Variants in ALS2CL observed in about 807,000 individuals in gnomAD.
ALS2CL encodes the protein ALS2 C-terminal-like protein.
A neutral mutation model predicts 127.9 loss-of-function variants in ALS2CL; 112 were observed. The observed-to-expected ratio is 0.88, with a 90% CI of 0.75 to 1.02. The LOEUF is 1.02. ALS2CL is among the 50% of genes least tolerant of loss of function. The pLI is 0.00. For synonymous variants in ALS2CL, 519 were observed against 527.6 expected (o/e 0.98, Z 0.22); for missense variants, 1,174 against 1,236.7 (o/e 0.95, Z 0.76).
Position 46,686,444 on chromosome 3 carries a change from A to AG in ALS2CL, c.535-6dup. 2 of 1,611,522 alleles carry AG rather than the reference A, an allele frequency of 1.2e-6. No homozygotes were observed. The highest frequency in any genetic ancestry group is 1.7e-6 in the Non-Finnish European group (2 of 1,178,772). ...CAGCTCCCGGGTTGGGTGATGCTGA[A>AG]GGGGGACAGGGCAGCCAGTGAGAGG... On this transcript the variant is annotated splice_polypyrimidine_tract_variant and splice_region_variant and intron_variant, in intron 5 of 25. Transcript: ENST00000318962. The surrounding 1 kb of genome is among the most constrained non-coding windows in gnomAD (Gnocchi z 4.3).
intron 13 of ALS2CL, chr3:46,680,884 G>A (rs372973498): frequency 2.3e-5 from 12 of 526,348 alleles, no homozygotes; most frequent in African/African-American, 1.1e-4. Context: ...CCCAGGAGAC[G>A]CAGCTGGGGT....
rs771806013 is a variant in ALS2CL, at chr3:46,686,269, G to A, written c.666+39C>T. 13 of 1,571,526 alleles carry A rather than the reference G, an allele frequency of 8.3e-6. No homozygotes were observed. Among genetic ancestry groups the A allele is most frequent in the Non-Finnish European group, 9.5e-6 (11 of 1,158,910 alleles). Reference sequence around the variant, plus strand: ...CCCCAACATCTCCATGCCCAATGTGGAACCCCCTCCCTAACTGCCCCTCAG... The same window carrying A: ...CCCCAACATCTCCATGCCCAATGTGAAACCCCCTCCCTAACTGCCCCTCAG... On this transcript the variant is annotated intron_variant, in intron 6 of 25. Transcript: ENST00000318962. The surrounding 1 kb of genome is among the most constrained non-coding windows in gnomAD (Gnocchi z 4.3).
intron 19 of ALS2CL, 33 bp from the exon 20 acceptor site, chr3:46,675,719 GC>G: frequency 6.2e-7 from 1 of 1,612,136 alleles, no homozygotes; most frequent in Non-Finnish European, 8.5e-7. Context: ...TGGTGTGGCT[GC>G]CCCTTGCCAC....
intron 21 of ALS2CL, 41 bp downstream of exon 21, chr3:46,674,525 T>C: frequency 6.3e-7 from 1 of 1,584,672 alleles, no homozygotes; most frequent in Non-Finnish European, 8.6e-7. Flanking sequence ...GAGTCGAGTT[T>C]GAGTCCTGGC....
chr3:46,688,050 C>A, intron 3 of ALS2CL, 48 bp downstream of exon 3: 2 of 1,593,584 alleles, frequency 1.3e-6, no homozygotes, highest in South Asian at 2.2e-5. Context: ...TGCCAGGTGT[C>A]ACTCTGACAC....
Position 46,678,344 on chromosome 3 carries a change from C to T in ALS2CL, c.1672G>A (p.Gly558Ser), listed in dbSNP as rs772359559. Residue 558 changes from glycine to serine, a missense_variant, in exon 16 of 26, where the codon GGC (glycine) becomes AGC (serine). Coordinates refer to ENST00000318962, the MANE Select transcript of ALS2CL (RefSeq NM_147129.5). Reference sequence around the variant, plus strand: ...TGCAGTCCTCTCCCTGCCCCACTGCCGAACGAGCCCTCCAGGGTGAAGCCA... The same window carrying T: ...TGCAGTCCTCTCCCTGCCCCACTGCTGAACGAGCCCTCCAGGGTGAAGCCA... Reference protein sequence around the residue: ...PNGFTLEGSFGSGAGRGLHTQ... With the variant: ...PNGFTLEGSFSSGAGRGLHTQ... 2.5e-6 allele frequency: 4 copies of T among 1,613,424 alleles called. No individual in the cohort carries two copies. The Admixed American group carries it at 5.0e-5, about 20-fold the overall frequency.
Position 46,686,410 on chromosome 3 carries a change from G to C in ALS2CL, c.564C>G (p.Asn188Lys), listed in dbSNP as rs199717204. 2 of 1,613,644 alleles carry C rather than the reference G, an allele frequency of 1.2e-6. No homozygotes were observed. Among genetic ancestry groups the C allele is most frequent in the South Asian group, 2.2e-5 (2 of 91,060 alleles). Residue 188 changes from asparagine (N) to lysine (K), a missense_variant, in exon 6 of 26, where the codon AAC (asparagine) becomes AAG (lysine). Physicochemically the swap from Asn to Lys is moderately conservative, Grantham distance 94. Coordinates refer to ENST00000318962, the MANE Select transcript of ALS2CL (RefSeq NM_147129.5). The surrounding 1 kb of genome is among the most constrained non-coding windows in gnomAD (Gnocchi z 4.3). ...GCAGGTTCCCAAAGAGGGTGACTGC[G>C]TTCACCACCAGCTCCCGGGTTGGGT... ...EHHPTRELVV[N>K]AVTLFGNLQS...
At chr3:46,678,074 T>C (rs1699017211) in intron 16 of ALS2CL, among the ~76,000 whole-genome samples, 185 bp downstream of exon 16, 1 of 151,346 alleles carries the variant, frequency 6.6e-6, no homozygotes, top group Non-Finnish European at 1.5e-5. Context: ...GTGTACCGCA[T>C]TATATCCACA....
At chr3:46,687,378 C>T in intron 4 of ALS2CL, among the ~76,000 whole-genome samples, 1 of 152,226 alleles carries the variant, frequency 6.6e-6, no homozygotes, top group East Asian at 1.9e-4. Flanking sequence ...GAAGGGATTC[C>T]CCTCCTTCCC....
At position 46,681,416 on chromosome 3, in the gene ALS2CL, G is replaced by A. The variant is rs907359312; in HGVS notation, c.1275-9C>T. 2 of 1,605,740 alleles carry A rather than the reference G, an allele frequency of 1.2e-6. No homozygotes were observed. Among genetic ancestry groups the A allele is most frequent in the Non-Finnish European group, 1.7e-6 (2 of 1,173,652 alleles). On this transcript the variant is annotated splice_polypyrimidine_tract_variant and intron_variant, in intron 12 of 25. Transcript: ENST00000318962. The surrounding 1 kb of genome is among the most constrained non-coding windows in gnomAD (Gnocchi z 4.9). ...CCTCGTCGGTGCTGTACCTGGGGAG[G>A]GCCATCAACAACGAGCTCTGCCTCA...
At chr3:46,676,194 G>A (rs1698796470) in intron 19 of ALS2CL, 51 bp downstream of exon 19, 1 of 1,587,996 alleles carries the variant, frequency 6.3e-7, no homozygotes, top group Non-Finnish European at 8.6e-7. Flanking sequence ...GCCTGGAAAG[G>A]GCACACTAGT....
intron 22 of ALS2CL, among the ~76,000 whole-genome samples, chr3:46,672,426 G>A (rs1369762643): frequency 6.6e-6 from 1 of 152,232 alleles, no homozygotes; most frequent in Non-Finnish European, 1.5e-5. Context: ...GAGGTTGGGA[G>A]GATCCAAACG....
At position 46,686,568 on chromosome 3, in the gene ALS2CL, C is replaced by T; in HGVS notation, c.535-129G>A. 7.7e-7 allele frequency: 1 copy of T among 1,304,724 alleles called. No individual in the cohort carries two copies. Among genetic ancestry groups the T allele is most frequent in the Non-Finnish European group, 1.0e-6 (1 of 961,270 alleles). 80.8% of individuals were successfully genotyped at this position (1,304,724 alleles called of 1,614,324 possible). ...TGCCCTTCTCTCCCTGACAGCTCCT[C>T]TTCTGCTGGTGGGGCAGGGGGTGGA... is the stretch of plus-strand genomic sequence containing the variant. On this transcript the variant is annotated intron_variant, in intron 5 of 25. Coordinates refer to ENST00000318962, the MANE Select transcript of ALS2CL (RefSeq NM_147129.5). This position sits in a 1 kb window ranked among gnomAD's most constrained non-coding sequence, Gnocchi z 4.3.
rs1413066369 is a variant in ALS2CL, at chr3:46,681,246, C to A, written c.1436G>T (p.Arg479Ile). 2 of 1,613,812 alleles carry A rather than the reference C, an allele frequency of 1.2e-6. No homozygotes were observed. The highest frequency in any genetic ancestry group is 2.2e-5 in the South Asian group (2 of 91,080). ...GGAGTGGTGGCTGCAGGGCGCTCAC[C>A]TGTCACCATCCTCCTCAATGCCATA... The part of the protein sequence containing the change: ...SGYGIEEDGD[R>I]GERYIGMWQA... Residue 479 changes from arginine to isoleucine, a missense_variant and splice_region_variant, in exon 13 of 26, where the codon AGA becomes ATA. Arg to Ile is a moderately conservative substitution (Grantham distance 97). Transcript: ENST00000318962. The surrounding 1 kb of genome is among the most constrained non-coding windows in gnomAD (Gnocchi z 4.9).
intron 6 of ALS2CL, among the ~76,000 whole-genome samples, chr3:46,685,859 C>T (rs549503269): frequency 2.0e-5 from 3 of 152,306 alleles, no homozygotes; most frequent in South Asian, 2.1e-4. Flanking sequence ...CTCTGTGCCA[C>T]GGCCCCAGCC....
At chr3:46,677,303 G>A (rs1011137747) in intron 16 of ALS2CL, 2 of 1,271,940 alleles carry the variant, frequency 1.6e-6, no homozygotes, top group South Asian at 1.9e-5. Flanking sequence ...CAGATCTGGA[G>A]GCCAAGCCAG....
chr3:46,688,510 C>T (rs1341363595), intron 2 of ALS2CL, among the ~76,000 whole-genome samples: 1 of 152,136 alleles, frequency 6.6e-6, no homozygotes, highest in African/African-American at 2.4e-5. Context: ...GCAGTATCCT[C>T]GAGGAGGAAA....
chr3:46,688,303 A>G lies in ALS2CL; in HGVS notation c.104-7T>C, dbSNP rs1261341132. The stretch of plus-strand genomic sequence containing the variant: ...GGATCCGAGGGATCTGGGGCTGGGG[A>G]AGGAGTACAGTCACACTGTGAGTAG... On this transcript the variant is annotated splice_polypyrimidine_tract_variant and splice_region_variant and intron_variant, in intron 2 of 25. Transcript: ENST00000318962. 1 of 1,611,778 alleles carries G rather than the reference A, an allele frequency of 6.2e-7. No individual in the cohort carries two copies. Among genetic ancestry groups the G allele is most frequent in the South Asian group, 1.1e-5 (1 of 90,960 alleles).
chr3:46,686,914 C>T lies in ALS2CL; in HGVS notation c.534+69G>A, dbSNP rs1297065088. 6.2e-6 allele frequency: 9 copies of T among 1,442,700 alleles called. No individual in the cohort carries two copies. Among genetic ancestry groups the T allele is most frequent in the Non-Finnish European group, 8.2e-6 (9 of 1,095,034 alleles). The allele number at this position is 1,442,700 out of a possible 1,614,324, so 89.4% of individuals were successfully genotyped here. ...CTAGGGTTCCTGAGTATAGGCTGAG[C>T]CCCCTGAGTCTGGGCCCTATCCCTC... On this transcript the variant is annotated intron_variant, in intron 5 of 25. Coordinates refer to ENST00000318962, the MANE Select transcript of ALS2CL (RefSeq NM_147129.5). The surrounding 1 kb of genome is among the most constrained non-coding windows in gnomAD (Gnocchi z 4.3).
Sources: allele counts gnomAD v4.1 joint callset (sites outside exome capture counted in the v4.1 genomes callset), GRCh38; gene constraint gnomAD v4.1.1; non-coding constraint Gnocchi (gnomAD v3.1); transcripts MANE v1.5; gene names NCBI Gene and HGNC (gene_info 2026-07-23, HGNC 2026-07-21).